The following ANXA10 variants were observed in gnomAD, a reference collection of about 807,000 sequenced individuals.
The protein encoded by ANXA10 is annexin 14.
A neutral mutation model predicts 53.5 loss-of-function variants in ANXA10; 49 were observed. The observed-to-expected ratio is 0.92, with a 90% CI of 0.73 to 1.16. The LOEUF (loss-of-function observed/expected upper bound fraction) is 1.16. ANXA10 is among the 50% of genes most tolerant of loss of function. The probability of loss-of-function intolerance (pLI) is 0.00; values close to 1 mark genes in which losing one functional copy is unlikely to be tolerated. For missense variants in ANXA10, 393 were observed against 394.4 expected (o/e 1.00, Z 0.03); for synonymous variants, 131 against 128.9 (o/e 1.02, Z -0.11).
At chr4:168,141,063 T>A (rs1426159564) in intron 3 of ANXA10, among the ~76,000 whole-genome samples, 1 of 152,244 alleles carries the variant, frequency 6.6e-6, no homozygotes, top group Non-Finnish European at 1.5e-5. Flanking sequence ...AAAACAATTT[T>A]AAAATGAAGT....
intron 3 of ANXA10, among the ~76,000 whole-genome samples, chr4:168,144,274 C>T (rs1731372992): frequency 1.3e-5 from 2 of 152,180 alleles, no homozygotes; most frequent in Non-Finnish European, 2.9e-5. Flanking sequence ...GCAACCTCCA[C>T]CTCCCAGGTT....
chr4:168,103,689 G>A (rs1330717659), intron 1 of ANXA10, among the ~76,000 whole-genome samples: 3 of 151,772 alleles, frequency 2.0e-5, no homozygotes, highest in Admixed American at 6.6e-5. Flanking sequence ...TGTCAACATC[G>A]ACACAAAATT....
chr4:168,119,191 G>A (rs74890118), intron 1 of ANXA10, among the ~76,000 whole-genome samples: 3,832 of 152,222 alleles, frequency 0.025, 68 homozygotes, highest in Middle Eastern at 0.045. Context: ...GGCTGAAAAT[G>A]ATATGACACA....
intron 1 of ANXA10, among the ~76,000 whole-genome samples, chr4:168,122,384 A>C (rs933599155): frequency 6.6e-6 from 1 of 152,204 alleles, no homozygotes; most frequent in Non-Finnish European, 1.5e-5. Context: ...TGAAACTCGC[A>C]CATACATTTT....
At chr4:168,135,925 G>T (rs1332536425) in intron 2 of ANXA10, among the ~76,000 whole-genome samples, 2 of 152,194 alleles carry the variant, frequency 1.3e-5, no homozygotes, top group African/African-American at 2.4e-5. Context: ...ATTGGCTCAT[G>T]GCTTTGCAGG....
intron 3 of ANXA10, among the ~76,000 whole-genome samples, chr4:168,153,299 G>C (rs577025638): frequency 4.6e-5 from 7 of 151,772 alleles, no homozygotes; most frequent in African/African-American, 1.4e-4. Flanking sequence ...AGAAAATACA[G>C]TCATGGGTTC....
At chr4:168,112,887 G>A (rs1048578878) in intron 1 of ANXA10, among the ~76,000 whole-genome samples, 1 of 152,128 alleles carries the variant, frequency 6.6e-6, no homozygotes, top group African/African-American at 2.4e-5. Context: ...GCCAGGTGTG[G>A]TGGCACGTGC....
At chr4:168,109,584 C>A (rs79007110) in intron 1 of ANXA10, among the ~76,000 whole-genome samples, 3,590 of 152,196 alleles carry the variant, frequency 0.024, 136 homozygotes, top group African/African-American at 0.078. Flanking sequence ...GATAAAATTT[C>A]ATTCCCTCTT....
At chr4:168,171,956 G>A (rs556665222) in intron 6 of ANXA10, among the ~76,000 whole-genome samples, 9 of 152,118 alleles carry the variant, frequency 5.9e-5, no homozygotes, top group Admixed American at 3.3e-4. Flanking sequence ...TCTTGAACCC[G>A]TACAATGAGG....
chr4:168,170,338 C>A (rs1161872802), intron 6 of ANXA10, among the ~76,000 whole-genome samples: 2 of 152,054 alleles, frequency 1.3e-5, no homozygotes, highest in African/African-American at 4.8e-5. Context: ...TCTAGAATTA[C>A]ATGTAGGAAT....
rs1447051892 is a variant in ANXA10, at chr4:168,184,627, C to T, written c.852C>T (p.Thr284=). The T allele has an allele frequency of 6.2e-7, 1 of 1,613,922 alleles. No homozygotes were observed. The highest frequency in any genetic ancestry group is 8.5e-7 in the Non-Finnish European group (1 of 1,179,938). The change falls in exon 11 of 12, where the codon ACC becomes ACT. Residue 284 remains threonine (T), a synonymous_variant. Coordinates refer to ENST00000359299, the MANE Select transcript of ANXA10 (RefSeq NM_007193.5). The part of the protein sequence containing the change: ...LIARSEIDLL[T]IRKRYKERYG... ...CCAGAAGTGAAATAGACCTGCTGAC[C>T]ATAAGGAAACGATACAAAGAGCGAT...
chr4:168,149,890 A>G (rs1168855373), intron 3 of ANXA10, among the ~76,000 whole-genome samples: 1 of 152,244 alleles, frequency 6.6e-6, no homozygotes, highest in East Asian at 1.9e-4. Flanking sequence ...TCACGCTGCT[A>G]CTGAGGATAC....
intron 3 of ANXA10, among the ~76,000 whole-genome samples, chr4:168,149,490 GTTA>G (rs1352416333): frequency 6.6e-6 from 1 of 151,930 alleles, no homozygotes; most frequent in Non-Finnish European, 1.5e-5. Flanking sequence ...CCCTCAGATT[GTTA>G]TTAATGATCT....
At chr4:168,096,928 ATGTATG>A (rs1730558351) in intron 1 of ANXA10, among the ~76,000 whole-genome samples, 1 of 83,204 alleles carries the variant, frequency 1.2e-5, no homozygotes, top group African/African-American at 3.5e-5. Flanking sequence ...ATATATATAT[ATGTATG>A]TATATGTATA....
rs138456762 is a variant in ANXA10 at position 168,170,114 on chromosome 4, G to A, written c.480+4788G>A. Among the ~76,000 whole-genome samples, 420 of 152,124 alleles carry A rather than the reference G, an allele frequency of 2.8e-3. 2 individuals are homozygous for A. The highest frequency in any genetic ancestry group is 8.9e-3 in the African/African-American group (370 of 41,524). ...AATGATAGGGTGTGTACATGAGTAC[G>A]AGTATTTGTATATATAATATCGTTT... On this transcript the variant is annotated intron_variant, in intron 6 of 11. Transcript: ENST00000359299.
At chr4:168,140,699 A>G (rs1578911829) in intron 3 of ANXA10, among the ~76,000 whole-genome samples, 1 of 151,746 alleles carries the variant, frequency 6.6e-6, no homozygotes, top group South Asian at 2.1e-4. Flanking sequence ...TCTCACTGCA[A>G]CCTCCGCCTC....
chr4:168,173,565 T>C (rs899690914), intron 6 of ANXA10, among the ~76,000 whole-genome samples: 16 of 152,344 alleles, frequency 1.1e-4, no homozygotes, highest in African/African-American at 3.6e-4. Context: ...AGCTGTAATG[T>C]TACCTCGGAC....
intron 1 of ANXA10, among the ~76,000 whole-genome samples, chr4:168,103,557 G>A (rs951917137): frequency 2.0e-5 from 3 of 151,720 alleles, no homozygotes; most frequent in African/African-American, 7.3e-5. Flanking sequence ...TTAGTACTAC[G>A]ACTTAATAAT....
At chr4:168,099,055 T>A (rs1320778635) in intron 1 of ANXA10, among the ~76,000 whole-genome samples, 1 of 152,292 alleles carries the variant, frequency 6.6e-6, no homozygotes, top group Non-Finnish European at 1.5e-5. Context: ...ATGGAAGGCA[T>A]TGTAGTAATA....
Sources: allele counts gnomAD v4.1 joint callset (sites outside exome capture counted in the v4.1 genomes callset), GRCh38; gene constraint gnomAD v4.1.1; transcripts MANE v1.5; gene names NCBI Gene and HGNC (gene_info 2026-07-23, HGNC 2026-07-21).